Variants in WWOX observed in about 807,000 individuals in gnomAD.
WWOX encodes WW domain-containing oxidoreductase.
WWOX carries 69 observed loss-of-function variants against 46.2 expected under a neutral mutation model. The observed-to-expected ratio is 1.49, with a 90% confidence interval of 1.23 to 1.82. WWOX has a LOEUF of 1.82. WWOX is among the 40% of genes most tolerant of loss of function. The pLI is 0.00. For missense variants in WWOX, 919 were observed against 542.6 expected (o/e 1.69, Z -6.89); for synonymous variants, 359 against 202.6 (o/e 1.77, Z -6.56).
chr16:78,812,657 C>T (rs1434414733), intron 8 of WWOX, among the ~76,000 whole-genome samples: 4 of 151,976 alleles, frequency 2.6e-5, no homozygotes, highest in Non-Finnish European at 4.4e-5. Context: ...ACCCAGGAGG[C>T]GAAGGTTGCA....
intron 6 of WWOX, among the ~76,000 whole-genome samples, chr16:78,402,837 G>A (rs1486100739): frequency 6.6e-6 from 1 of 152,066 alleles, no homozygotes. Flanking sequence ...CATTGGCCCT[G>A]GGGTCTGGTT....
At chr16:79,029,417 C>T (rs2047710196) in intron 8 of WWOX, among the ~76,000 whole-genome samples, 1 of 152,206 alleles carries the variant, frequency 6.6e-6, no homozygotes, top group Non-Finnish European at 1.5e-5. Flanking sequence ...ATTGTCAAAA[C>T]ATGTGTGCAC....
At chr16:78,385,009 C>CTG (rs2082030816) in intron 5 of WWOX, among the ~76,000 whole-genome samples, 1 of 152,106 alleles carries the variant, frequency 6.6e-6, no homozygotes, top group African/African-American at 2.4e-5. Flanking sequence ...TGGCACGCAC[C>CTG]TGTAGTCCCA....
chr16:78,379,874 CATT>C (rs567883177), intron 5 of WWOX, among the ~76,000 whole-genome samples: 139 of 152,310 alleles, frequency 9.1e-4, no homozygotes, highest in Middle Eastern at 3.4e-3. Flanking sequence ...TTTCTCCTCC[CATT>C]ATTGGTAAGC....
intron 8 of WWOX, among the ~76,000 whole-genome samples, chr16:78,756,146 C>A (rs767843585): frequency 1.3e-5 from 2 of 152,072 alleles, no homozygotes; most frequent in African/African-American, 2.4e-5. Context: ...AACGGGGATC[C>A]TAGAGACTTG....
At chr16:78,563,404 A>G (rs2044485354) in intron 8 of WWOX, among the ~76,000 whole-genome samples, 1 of 151,664 alleles carries the variant, frequency 6.6e-6, no homozygotes, top group Admixed American at 6.6e-5. Flanking sequence ...ACTGACAGGT[A>G]TTGAAGCCAA....
chr16:78,262,265 C>T (rs2079261874), intron 5 of WWOX, among the ~76,000 whole-genome samples: 1 of 152,096 alleles, frequency 6.6e-6, no homozygotes, highest in Admixed American at 6.5e-5. Flanking sequence ...CTGTTAGATA[C>T]AGTGTATCTC....
intron 8 of WWOX, among the ~76,000 whole-genome samples, chr16:79,044,059 C>T (rs181696771): frequency 6.6e-6 from 1 of 152,162 alleles, no homozygotes; most frequent in Non-Finnish European, 1.5e-5. Flanking sequence ...CTGCCCAGAC[C>T]CGGTGGCCTG....
chr16:78,910,186 A>G (rs1025402055), intron 8 of WWOX, among the ~76,000 whole-genome samples: 4 of 152,086 alleles, frequency 2.6e-5, no homozygotes, highest in African/African-American at 9.7e-5. Flanking sequence ...TAGATAGGTG[A>G]CTTGCTTTAG....
At chr16:78,202,702 C>T (rs2036269488) in intron 5 of WWOX, among the ~76,000 whole-genome samples, 2 of 152,130 alleles carry the variant, frequency 1.3e-5, no homozygotes, top group South Asian at 2.1e-4. Flanking sequence ...TATACCCTGT[C>T]TAAAAGAGTG....
intron 5 of WWOX, among the ~76,000 whole-genome samples, chr16:78,289,400 A>G (rs1314922418): frequency 6.6e-6 from 1 of 152,166 alleles, no homozygotes; most frequent in Admixed American, 6.5e-5. Flanking sequence ...AAAAGTGTAC[A>G]GTTATCAGAA....
At chr16:78,714,957 C>A (rs112982058) in intron 8 of WWOX, among the ~76,000 whole-genome samples, 5,415 of 152,120 alleles carry the variant, frequency 0.036, 317 homozygotes, top group African/African-American at 0.12. Flanking sequence ...TAATATCATG[C>A]GGCTGAGGAC....
intron 8 of WWOX, among the ~76,000 whole-genome samples, chr16:78,523,527 GT>G (rs2043393719): frequency 6.6e-6 from 1 of 152,198 alleles, no homozygotes; most frequent in Non-Finnish European, 1.5e-5. Context: ...TTAAATGCTT[GT>G]ACTCTCTATC....
intron 8 of WWOX, among the ~76,000 whole-genome samples, chr16:78,572,910 T>G (rs146394162): frequency 1.3e-5 from 2 of 152,258 alleles, no homozygotes; most frequent in African/African-American, 4.8e-5. Context: ...GTTATTAAAG[T>G]GTACACACAT....
chr16:79,053,740 G>C (rs1046041407), intron 8 of WWOX, among the ~76,000 whole-genome samples: 1 of 152,074 alleles, frequency 6.6e-6, no homozygotes, highest in Non-Finnish European at 1.5e-5. Flanking sequence ...TGCAGGCTTG[G>C]GAAGCTGTAC....
intron 8 of WWOX, among the ~76,000 whole-genome samples, chr16:79,042,475 T>C (rs993755099): frequency 1.3e-5 from 2 of 152,220 alleles, no homozygotes; most frequent in African/African-American, 4.8e-5. Context: ...CCAGTGTAAA[T>C]TGGTCAGCCT....
intron 5 of WWOX, among the ~76,000 whole-genome samples, chr16:78,352,823 A>G (rs1042914362): frequency 6.6e-6 from 1 of 152,236 alleles, no homozygotes; most frequent in African/African-American, 2.4e-5. Flanking sequence ...CTTGGAGTGT[A>G]TAGCAGAGTT....
intron 8 of WWOX, among the ~76,000 whole-genome samples, chr16:79,144,490 T>G (rs534077402): frequency 6.6e-6 from 1 of 152,334 alleles, no homozygotes; most frequent in African/African-American, 2.4e-5. Flanking sequence ...AGACCTGGCT[T>G]CACGCTTGCC....
At chr16:78,506,695 G>GGTTT (rs2085213485) in intron 8 of WWOX, 1 of 8,640 alleles carries the variant, frequency 1.2e-4, no homozygotes, top group East Asian at 6.6e-3. Flanking sequence ...CTTTTTGTGT[G>GGTTT]TTTTTTTTTT....
Sources: gnomAD v4.1 joint callset for allele counts (sites outside exome capture counted in the v4.1 genomes callset) on GRCh38, gnomAD v4.1.1 for gene constraint, MANE v1.5 for transcripts, NCBI Gene and HGNC (gene_info 2026-07-23, HGNC 2026-07-21) for gene names.